Variants in MCF2L observed in about 807,000 individuals in gnomAD.
MCF2L encodes guanine nucleotide exchange factor DBS.
In MCF2L, 97 loss-of-function variants were observed where a neutral mutation model predicts 153.4. The observed-to-expected ratio is 0.63, with a 90% CI of 0.54 to 0.75. The LOEUF (loss-of-function observed/expected upper bound fraction) is 0.75. Among genes scored for constraint, MCF2L ranks in the 30% least tolerant of loss-of-function variants. The probability of loss-of-function intolerance (pLI) is 0.00; values close to 1 mark genes in which losing one functional copy is unlikely to be tolerated. For synonymous variants in MCF2L, 659 were observed against 632.2 expected, an observed-to-expected ratio of 1.04 and a Z score of -0.64; for missense variants, 1,347 against 1,495.2, an observed-to-expected ratio of 0.90 and a Z score of 1.64.
intron 2 of MCF2L, among the ~76,000 whole-genome samples, chr13:112,919,576 T>TAA (rs60772457): frequency 0.019 from 2,902 of 151,664 alleles, 104 homozygotes; most frequent in African/African-American, 0.067. Context: ...TGTTTTGTTT[T>TAA]AAAAAAAAAT....
intron 1 of MCF2L, among the ~76,000 whole-genome samples, chr13:113,012,784 G>T (rs2084248523): frequency 8.6e-6 from 1 of 116,258 alleles, no homozygotes; most frequent in African/African-American, 3.2e-5. Context: ...GTGGACGGTG[G>T]ACACTGTGAT....
intron 15 of MCF2L, among the ~76,000 whole-genome samples, chr13:113,080,823 G>C (rs966781484): frequency 1.3e-5 from 2 of 152,220 alleles, no homozygotes; most frequent in Non-Finnish European, 2.9e-5. Context: ...TGGCAGAAGA[G>C]ACTCGGGTGG....
rs145604084 is a variant in MCF2L at position 113,060,032 on chromosome 13, G to A, written c.370-561G>A. On this transcript the variant is annotated intron_variant, in intron 4 of 29. Coordinates refer to ENST00000535094, the MANE Select transcript of MCF2L (RefSeq NM_001112732.3). ...GCGGAGTCTGAACTCAGGTGTGGCC[G>A]GAGGGGGCTCCTTCCAAGGCTATGG... 3.3e-3 allele frequency among the ~76,000 whole-genome samples: 510 copies of A among 152,276 alleles called. 1 individual carries two copies. Among genetic ancestry groups the A allele is most frequent in the African/African-American group, 0.012 (482 of 41,512 alleles).
chr13:113,003,352 G>A (rs1301603994), intron 1 of MCF2L, among the ~76,000 whole-genome samples: 1 of 151,804 alleles, frequency 6.6e-6, no homozygotes, highest in East Asian at 1.9e-4. Context: ...TACCGTGGAA[G>A]GCTTTGGGGT....
intron 3 of MCF2L, chr13:113,044,352 C>T (rs1450243610): frequency 2.6e-5 from 9 of 344,104 alleles, no homozygotes; most frequent in African/African-American, 6.4e-5. Flanking sequence ...TAAATCCGAG[C>T]GTCAGAAGGA....
At chr13:112,997,431 C>T (rs959838322) in intron 1 of MCF2L, among the ~76,000 whole-genome samples, 1 of 152,196 alleles carries the variant, frequency 6.6e-6, no homozygotes, top group African/African-American at 2.4e-5. Flanking sequence ...GCTGGGACCC[C>T]GTACGTGGAC....
rs912831951 is a variant in MCF2L at position 113,039,438 on chromosome 13, G to A, written c.279-5833G>A. 2.0e-5 allele frequency among the ~76,000 whole-genome samples: 3 copies of A among 152,148 alleles called. No individual in the cohort carries two copies. The South Asian group carries it at 6.2e-4, about 32-fold the overall frequency. ...GGTTTAAAAAGCAGTTATCAAAAAA[G>A]CAATTATCAGAAAGGAAAAGGTCAG... On this transcript the variant is annotated intron_variant, in intron 3 of 29. Coordinates refer to ENST00000535094, the MANE Select transcript of MCF2L (RefSeq NM_001112732.3).
chr13:112,914,574 C>T (rs1201623514), intron 2 of MCF2L, among the ~76,000 whole-genome samples: 3 of 152,218 alleles, frequency 2.0e-5, no homozygotes, highest in African/African-American at 4.8e-5. Flanking sequence ...CTGTGAGCCA[C>T]GTGATCATGG....
chr13:113,055,614 C>T (rs935405212), intron 4 of MCF2L, among the ~76,000 whole-genome samples: 2 of 152,204 alleles, frequency 1.3e-5, no homozygotes, highest in African/African-American at 4.8e-5. Flanking sequence ...TTTCAGTCCG[C>T]CCCTTGCTGA....
intron 3 of MCF2L, among the ~76,000 whole-genome samples, chr13:113,033,596 G>C (rs2085936999): frequency 1.3e-5 from 2 of 152,190 alleles, no homozygotes; most frequent in South Asian, 4.1e-4. Flanking sequence ...ATTGTGCCCT[G>C]TTTCTGGCAG....
chr13:113,024,943 C>T (rs953265099), intron 3 of MCF2L, 185 bp downstream of exon 3: 92 of 570,000 alleles, frequency 1.6e-4, no homozygotes, highest in Non-Finnish European at 2.8e-4. Flanking sequence ...ATGCGGTCCC[C>T]GTGACTGTGG....
chr13:112,918,671 G>C (rs2081321594), intron 2 of MCF2L, among the ~76,000 whole-genome samples: 1 of 152,192 alleles, frequency 6.6e-6, no homozygotes, highest in Non-Finnish European at 1.5e-5. Context: ...TCAGCTGGCT[G>C]GCATTTCCTG....
At chr13:112,988,801 G>GA (rs35308053) in intron 1 of MCF2L, among the ~76,000 whole-genome samples, 19 of 68,776 alleles carry the variant, frequency 2.8e-4, no homozygotes, top group African/African-American at 3.0e-4. Context: ...GCAGGGGATG[G>GA]GCTACGACAC....
At chr13:113,073,315 A>C (rs2033107978) in intron 9 of MCF2L, among the ~76,000 whole-genome samples, 1 of 152,232 alleles carries the variant, frequency 6.6e-6, no homozygotes, top group Non-Finnish European at 1.5e-5. Flanking sequence ...TTTTATACAT[A>C]TCAGTTAGAT....
At chr13:112,897,243 C>T (rs945788035) in intron 1 of MCF2L, among the ~76,000 whole-genome samples, 7 of 152,162 alleles carry the variant, frequency 4.6e-5, no homozygotes, top group Non-Finnish European at 1.0e-4. Context: ...TTTCAGCCAA[C>T]GGTAGGATAC....
intron 2 of MCF2L, among the ~76,000 whole-genome samples, chr13:113,015,261 G>T (rs1407120390): frequency 3.3e-5 from 5 of 152,278 alleles, no homozygotes; most frequent in Admixed American, 6.5e-5. Flanking sequence ...CACCTGTGGA[G>T]GTGGTGCCTG....
Position 113,035,289 on chromosome 13 carries a change from T to A in MCF2L, c.279-9982T>A, listed in dbSNP as rs1379093514. 6.6e-6 allele frequency among the ~76,000 whole-genome samples: 1 copy of A among 152,208 alleles called. No homozygotes were observed. Among genetic ancestry groups the A allele is most frequent in the Admixed American group, 6.5e-5 (1 of 15,286 alleles). ...TAGTGCACTTATGAATCGTGCATAT[T>A]TTACTCTAAGGCCTGTCTGTAAACC... is the stretch of plus-strand genomic sequence containing the variant. On this transcript the variant is annotated intron_variant, in intron 3 of 29. Coordinates refer to ENST00000535094, the MANE Select transcript of MCF2L (RefSeq NM_001112732.3). This position sits in a 1 kb window ranked among gnomAD's most constrained non-coding sequence, Gnocchi z 4.4.
In MCF2L at chr13:113,074,579, G is replaced by A. The variant is rs375495689; in HGVS notation, c.1116+16G>A. ...GAAATCAGGCGTAAGGCGGGGTCCC[G>A]GCGGGGGCGGCGGGAGAGTGTGGGC... On this transcript the variant is annotated intron_variant, in intron 10 of 29. Coordinates refer to ENST00000535094, the MANE Select transcript of MCF2L (RefSeq NM_001112732.3). This position sits in a 1 kb window ranked among gnomAD's most constrained non-coding sequence, Gnocchi z 4.2. 66 of 1,611,076 alleles carry A rather than the reference G, an allele frequency of 4.1e-5. No individual in the cohort carries two copies. The highest frequency in any genetic ancestry group is 1.7e-4 in the Admixed American group (10 of 60,006).
At chr13:112,992,162 C>T (rs1370770749) in intron 1 of MCF2L, among the ~76,000 whole-genome samples, 2 of 152,132 alleles carry the variant, frequency 1.3e-5, no homozygotes, top group Non-Finnish European at 2.9e-5. Context: ...ATGAGGTGTG[C>T]GTGAAACATA....
Sources: gnomAD v4.1 joint callset for allele counts (sites outside exome capture counted in the v4.1 genomes callset) on GRCh38, gnomAD v4.1.1 for gene constraint, Gnocchi (gnomAD v3.1) non-coding constraint, MANE v1.5 for transcripts, NCBI Gene and HGNC (gene_info 2026-07-23, HGNC 2026-07-21) for gene names.